The following SWSAP1 variants were observed in gnomAD, a reference collection of about 807,000 sequenced individuals.
The protein encoded by SWSAP1 is ATPase SWSAP1.
SWSAP1 carries 4 observed loss-of-function variants against 5.6 expected under a neutral mutation model. The observed-to-expected ratio is 0.72, with a 90% CI of 0.35 to 1.64. SWSAP1 has a LOEUF of 1.64. SWSAP1 is among the 40% of genes most tolerant of loss of function. The pLI, the probability that SWSAP1 is intolerant of heterozygous loss-of-function variation, is 0.05. For synonymous variants in SWSAP1, 139 were observed against 143.3 expected (o/e 0.97, Z 0.22); for missense variants, 354 against 319.8 (o/e 1.11, Z -0.82).
At chr19:11,375,474 G>A (rs770180687) in intron 1 of SWSAP1, 39 bp from the exon 2 acceptor site, 2 of 1,567,132 alleles carry the variant, frequency 1.3e-6, no homozygotes, top group African/African-American at 1.4e-5. Context: ...CTGGCTTCCT[G>A]TGCTGAATCC....
rs140798178 is a variant in SWSAP1, at chr19:11,374,787, G to A, written c.107G>A (p.Gly36Glu). The A allele has an allele frequency of 1.2e-6, 2 of 1,613,584 alleles. No individual in the cohort carries two copies. Among genetic ancestry groups the A allele is most frequent in the Admixed American group, 1.7e-5 (1 of 59,956 alleles). The change falls in exon 1 of 2, where the codon GGA becomes GAA. Residue 36 changes from glycine to glutamate, a missense_variant. Gly to Glu is a moderately conservative substitution (Grantham distance 98). Coordinates refer to ENST00000674460, the MANE Select transcript of SWSAP1 (RefSeq NM_175871.4). ...CCTTTGCTGCTGCTCGGTACACCAG[G>A]ATCTGGAAAAACAGCGCTGCTATTT... ...GPPLLLLGTP[G>E]SGKTALLFAA...
Position 11,374,909 on chromosome 19 carries a change from C to T in SWSAP1, c.229C>T (p.Leu77=), listed in dbSNP as rs200466341. 26 of 1,613,924 alleles carry T rather than the reference C, an allele frequency of 1.6e-5. No homozygotes were observed. In the East Asian group the frequency reaches 4.9e-4, roughly 30 times the overall value. Residue 77 remains leucine (L), a synonymous_variant, in exon 1 of 2, where the codon CTA becomes TTA. Transcript: ENST00000674460. ...QSMPRGTGTT[L]DPMRLQKIRF... is the part of the protein sequence containing the mutation. ...CATGCCCCGCGGGACCGGAACGACT[C>T]TAGACCCAATGCGACTCCAGGTAAC... is the stretch of plus-strand genomic sequence containing the variant.
chr19:11,374,839 G>C lies in SWSAP1; in HGVS notation c.159G>C (p.Glu53Asp). 1.2e-6 allele frequency: 2 copies of C among 1,613,904 alleles called. No homozygotes were observed. The highest frequency in any genetic ancestry group is 2.2e-5 in the South Asian group (2 of 91,086). ...LFAAALEAAG[E>D]GQGPVLFLTR... ...CTGCGGCCCTAGAGGCGGCGGGGGA[G>C]GGCCAAGGCCCAGTCCTCTTCCTGA... The change falls in exon 1 of 2, where the codon GAG becomes GAC. Residue 53 changes from glutamate (E) to aspartate (D), a missense_variant. By Grantham distance (45) the Glu-to-Asp change is conservative. Coordinates refer to ENST00000674460, the MANE Select transcript of SWSAP1 (RefSeq NM_175871.4).
At position 11,376,107 on chromosome 19, in the gene SWSAP1, A is replaced by C; in HGVS notation, c.*91A>C. 7.0e-6 allele frequency: 8 copies of C among 1,147,648 alleles called. No individual in the cohort carries two copies. Among genetic ancestry groups the C allele is most frequent in the Non-Finnish European group, 9.6e-6 (8 of 832,304 alleles). The allele number at this position is 1,147,648 out of a possible 1,614,324, so 71.1% of individuals were successfully genotyped here. ...ATATGCAGATCCAAAGACCTAAACA[A>C]TGTAAAGTGCTTTTTCTCTTTTAAA... On this transcript the variant is annotated 3_prime_UTR_variant, in exon 2 of 2. Transcript: ENST00000674460.
rs376274887 is a variant in SWSAP1 at position 11,375,662 on chromosome 19, C to T, written c.399C>T (p.Ala133=). The change falls in exon 2 of 2, where the codon GCC becomes GCT. Residue 133 remains alanine, a synonymous_variant. Transcript: ENST00000674460. Reference sequence around the variant, plus strand: ...AAGACCCAGAGCCCCAGGAAGCCGCCTACCTCATTGCCTTACTTCTAGACA... The same window carrying T: ...AAGACCCAGAGCCCCAGGAAGCCGCTTACCTCATTGCCTTACTTCTAGACA... ...LAEDPEPQEA[A]YLIALLLDTA... is the part of the protein sequence containing the mutation. The T allele has an allele frequency of 2.5e-6, 4 of 1,614,118 alleles. No individual in the cohort carries two copies. The highest frequency in any genetic ancestry group is 1.3e-5 in the African/African-American group (1 of 74,936).
chr19:11,374,777 G>C lies in SWSAP1; in HGVS notation c.97G>C (p.Gly33Arg). ...PAAGPPLLLL[G>R]TPGSGKTALL... The stretch of plus-strand genomic sequence containing the variant: ...CGCCGGACCGCCTTTGCTGCTGCTC[G>C]GTACACCAGGATCTGGAAAAACAGC... The change falls in exon 1 of 2, where the codon GGT becomes CGT. Residue 33 changes from glycine to arginine, a missense_variant. Physicochemically the swap from Gly to Arg is moderately radical, Grantham distance 125. Coordinates refer to ENST00000674460, the MANE Select transcript of SWSAP1 (RefSeq NM_175871.4). 6.2e-7 allele frequency: 1 copy of C among 1,613,300 alleles called. No individual in the cohort carries two copies. The highest frequency in any genetic ancestry group is 8.5e-7 in the Non-Finnish European group (1 of 1,179,824).
At position 11,374,804 on chromosome 19, in the gene SWSAP1, C is replaced by G; in HGVS notation, c.124C>G (p.Leu42Val). Residue 42 changes from leucine to valine, a missense_variant, in exon 1 of 2, where the codon CTG (leucine) becomes GTG (valine). Coordinates refer to ENST00000674460, the MANE Select transcript of SWSAP1 (RefSeq NM_175871.4). Reference protein sequence around the residue: ...LGTPGSGKTALLFAAALEAAG... With the variant: ...LGTPGSGKTAVLFAAALEAAG... ...TACACCAGGATCTGGAAAAACAGCG[C>G]TGCTATTTGCTGCGGCCCTAGAGGC... 1 of 1,613,874 alleles carries G rather than the reference C, an allele frequency of 6.2e-7. No homozygotes were observed. The highest frequency in any genetic ancestry group is 8.5e-7 in the Non-Finnish European group (1 of 1,179,918).
rs369151575 is a variant in SWSAP1, at chr19:11,375,795, C to T, written c.532C>T (p.Leu178=). 5 of 1,614,090 alleles carry T rather than the reference C, an allele frequency of 3.1e-6. No individual in the cohort carries two copies. Among genetic ancestry groups the T allele is most frequent in the Non-Finnish European group, 4.2e-6 (5 of 1,180,046 alleles). Residue 178 remains leucine, a synonymous_variant, in exon 2 of 2, where the codon CTG becomes TTG. Transcript: ENST00000674460. ...AGSGDVLHLA[L]LQRYFPAQCW... ...TAGTGGGGACGTCCTGCACCTGGCA[C>T]TGCTCCAGCGGTATTTTCCTGCCCA... is the stretch of plus-strand genomic sequence containing the variant.
In SWSAP1 at chr19:11,374,743, C is replaced by T. The variant is rs746748890; in HGVS notation, c.63C>T (p.Asn21=). ...RGGAAWSGEE[N]MPAAGPPLLL... ...GTGCGGCCTGGTCCGGGGAGGAGAA[C>T]ATGCCTGCCGCCGGACCGCCTTTGC... Residue 21 remains asparagine, a synonymous_variant, in exon 1 of 2, where the codon AAC becomes AAT. Coordinates refer to ENST00000674460, the MANE Select transcript of SWSAP1 (RefSeq NM_175871.4). 1.9e-6 allele frequency: 3 copies of T among 1,608,922 alleles called. No individual in the cohort carries two copies. The highest frequency in any genetic ancestry group is 1.7e-6 in the Non-Finnish European group (2 of 1,178,638).
At position 11,374,747 on chromosome 19, in the gene SWSAP1, C is replaced by G; in HGVS notation, c.67C>G (p.Pro23Ala). ...GAAWSGEENM[P>A]AAGPPLLLLG... is the part of the protein sequence containing the mutation. ...GGCCTGGTCCGGGGAGGAGAACATG[C>G]CTGCCGCCGGACCGCCTTTGCTGCT... The change falls in exon 1 of 2, where the codon CCT (proline) becomes GCT (alanine). Residue 23 changes from proline (P) to alanine (A), a missense_variant. Physicochemically the swap from Pro to Ala is conservative, Grantham distance 27. Transcript: ENST00000674460. 6.2e-7 allele frequency: 1 copy of G among 1,609,186 alleles called. No homozygotes were observed. Among genetic ancestry groups the G allele is most frequent in the Non-Finnish European group, 8.5e-7 (1 of 1,178,648 alleles).
At position 11,375,634 on chromosome 19, in the gene SWSAP1, C is replaced by T. The variant is rs779618636; in HGVS notation, c.371C>T (p.Ala124Val). The T allele has an allele frequency of 1.2e-6, 2 of 1,614,168 alleles. No individual in the cohort carries two copies. The highest frequency in any genetic ancestry group is 1.7e-6 in the Non-Finnish European group (2 of 1,180,044). Residue 124 changes from alanine (A) to valine (V), a missense_variant, in exon 2 of 2, where the codon GCG becomes GTG. By Grantham distance (64) the Ala-to-Val change is moderately conservative (BLOSUM62 0). Coordinates refer to ENST00000674460, the MANE Select transcript of SWSAP1 (RefSeq NM_175871.4). ...CTCGACGGCCTAGAAGAGTACCTAG[C>T]GGAAGACCCAGAGCCCCAGGAAGCC... ...LLLDGLEEYL[A>V]EDPEPQEAAY...
At position 11,374,743 on chromosome 19, in the gene SWSAP1, CA is replaced by C. The variant is rs1968255090; in HGVS notation, c.64del (p.Met22CysfsTer27). 6.2e-7 allele frequency: 1 copy of C among 1,608,922 alleles called. No homozygotes were observed. The highest frequency in any genetic ancestry group is 1.7e-5 in the Admixed American group (1 of 58,516). Reference protein sequence around the residue: ...GGAAWSGEENMPAAGPPLLLL... With the variant: ...GGAAWSGEENXPAAGPPLLLL... The stretch of plus-strand genomic sequence containing the variant: ...GTGCGGCCTGGTCCGGGGAGGAGAA[CA>C]TGCCTGCCGCCGGACCGCCTTTGCT... On this transcript the variant is annotated frameshift_variant, in exon 1 of 2. Coordinates refer to ENST00000674460, the MANE Select transcript of SWSAP1 (RefSeq NM_175871.4). LOFTEE classifies it high-confidence loss of function.
rs755764201 is a variant in SWSAP1 at position 11,375,763 on chromosome 19, A to G, written c.500A>G (p.Glu167Gly). The G allele has an allele frequency of 4.3e-6, 7 of 1,614,108 alleles. No individual in the cohort carries two copies. The highest frequency in any genetic ancestry group is 4.2e-6 in the Non-Finnish European group (5 of 1,180,034). The part of the protein sequence containing the change: ...GLMVALQTQE[E>G]AGSGDVLHLA... ...ATGGTGGCCCTCCAGACCCAGGAGG[A>G]AGCAGGTAGTGGGGACGTCCTGCAC... is the stretch of plus-strand genomic sequence containing the variant. The change falls in exon 2 of 2, where the codon GAA (glutamate) becomes GGA (glycine). Residue 167 changes from glutamate to glycine, a missense_variant. Glu to Gly is a moderately conservative substitution (Grantham distance 98, BLOSUM62 -2). Transcript: ENST00000674460.
chr19:11,374,852 G>C lies in SWSAP1; in HGVS notation c.172G>C (p.Val58Leu), dbSNP rs1568326705. 6.2e-7 allele frequency: 1 copy of C among 1,614,026 alleles called. No homozygotes were observed. Among genetic ancestry groups the C allele is most frequent in the Non-Finnish European group, 8.5e-7 (1 of 1,180,026 alleles). Residue 58 changes from valine (V) to leucine (L), a missense_variant, in exon 1 of 2, where the codon GTC (valine) becomes CTC (leucine). Val to Leu is a conservative substitution (Grantham distance 32). Transcript: ENST00000674460. Reference protein sequence around the residue: ...LEAAGEGQGPVLFLTRRPLQS... With the variant: ...LEAAGEGQGPLLFLTRRPLQS... ...GGCGGCGGGGGAGGGCCAAGGCCCA[G>C]TCCTCTTCCTGACACGAAGGCCTCT...
chr19:11,374,697 G>C lies in SWSAP1; in HGVS notation c.17G>C (p.Arg6Thr). The change falls in exon 1 of 2, where the codon AGG becomes ACG. Residue 6 changes from arginine to threonine, a missense_variant. By Grantham distance (71) the Arg-to-Thr change is moderately conservative. Transcript: ENST00000674460. MAETLRRVLTRGGAAW... is the reference protein window; with the variant it reads MAETLTRVLTRGGAAW... ...ACGCGGCGAATGGCGGAGACGCTGA[G>C]GCGGGTGCTAACCAGGGGCGGTGCG... 6.4e-7 allele frequency: 1 copy of C among 1,553,788 alleles called. No homozygotes were observed. Among genetic ancestry groups the C allele is most frequent in the Non-Finnish European group, 8.7e-7 (1 of 1,151,350 alleles).
rs1472492411 is a variant in SWSAP1 at position 11,376,007 on chromosome 19, C to G, written c.744C>G (p.Gly248=). The change falls in exon 2 of 2, where the codon GGC becomes GGG. Residue 248 remains glycine (G), a synonymous_variant. Transcript: ENST00000674460. The stretch of plus-strand genomic sequence containing the variant: ...CAGGCAAGGGTTCAAGCTCTGGAGG[C>G]CAGCCCTGAGCTTTGGTGGGTGACT... ...PSSGKGSSSG[G]QP 1.3e-6 allele frequency: 2 copies of G among 1,596,738 alleles called. No individual in the cohort carries two copies. The highest frequency in any genetic ancestry group is 1.7e-5 in the Admixed American group (1 of 58,584).
intron 1 of SWSAP1, 91 bp from the exon 2 acceptor site, chr19:11,375,422 C>T: frequency 6.6e-7 from 1 of 1,518,530 alleles, no homozygotes; most frequent in Non-Finnish European, 8.8e-7. Context: ...CATCCTGGAA[C>T]CAAGGAAAGT....
intron 1 of SWSAP1, among the ~76,000 whole-genome samples, 191 bp from the exon 2 acceptor site, chr19:11,375,322 A>C (rs1477741720): frequency 6.6e-6 from 1 of 152,226 alleles, no homozygotes; most frequent in Non-Finnish European, 1.5e-5. Flanking sequence ...ACAAACAAGC[A>C]AAAATGGCTT....
chr19:11,376,093 C>A lies in SWSAP1; in HGVS notation c.*77C>A. On this transcript the variant is annotated 3_prime_UTR_variant, in exon 2 of 2. Coordinates refer to ENST00000674460, the MANE Select transcript of SWSAP1 (RefSeq NM_175871.4). The stretch of plus-strand genomic sequence containing the variant: ...CTTACCTCAGGGACATATGCAGATC[C>A]AAAGACCTAAACAATGTAAAGTGCT... 7.7e-7 allele frequency: 1 copy of A among 1,299,262 alleles called. No individual in the cohort carries two copies. Among genetic ancestry groups the A allele is most frequent in the Non-Finnish European group, 1.0e-6 (1 of 962,952 alleles). 80.5% of individuals were successfully genotyped at this position (1,299,262 alleles called of 1,614,324 possible).
Sources: gnomAD v4.1 joint callset for allele counts (sites outside exome capture counted in the v4.1 genomes callset) on GRCh38, gnomAD v4.1.1 for gene constraint, MANE v1.5 for transcripts, NCBI Gene and HGNC (gene_info 2026-07-23, HGNC 2026-07-21) for gene names.